The following DDX24 variants were observed in gnomAD, a reference collection of about 807,000 sequenced individuals.
DDX24 encodes DEAD-box helicase 24, also known as ATP-dependent RNA helicase DDX24.
In DDX24, 24 loss-of-function variants were observed where a neutral mutation model predicts 68.9. That is an observed-to-expected ratio of 0.35 (90% CI 0.25 to 0.49). DDX24 has a LOEUF of 0.49. Among genes scored for constraint, DDX24 ranks in the 20% least tolerant of loss-of-function variants. The pLI is 0.99. For missense variants in DDX24, 989 were observed against 1,039.0 expected, an observed-to-expected ratio of 0.95 and a Z score of 0.66; for synonymous variants, 395 against 385.2, an observed-to-expected ratio of 1.03 and a Z score of -0.30.
chr14:94,078,301 T>C (rs1385594203), intron 2 of DDX24, among the ~76,000 whole-genome samples: 2 of 152,228 alleles, frequency 1.3e-5, no homozygotes, highest in Admixed American at 6.5e-5. Context: ...GAGATGACTA[T>C]ATGTATTTCT....
chr14:94,059,938 A>C (rs1334288864), intron 5 of DDX24, among the ~76,000 whole-genome samples, 160 bp downstream of exon 5: 1 of 150,374 alleles, frequency 6.7e-6, no homozygotes, highest in Middle Eastern at 3.3e-3. Flanking sequence ...AATGACAGTA[A>C]CCTTGCCAAA....
intron 2 of DDX24, 27 bp from the exon 3 acceptor site, chr14:94,062,648 T>TA (rs755538385): frequency 6.4e-7 from 1 of 1,562,964 alleles, no homozygotes; most frequent in African/African-American, 1.4e-5. Flanking sequence ...CAAAACAAAG[T>TA]AAAAACAGTG....
rs1267992145 is a variant in DDX24 at position 94,062,456 on chromosome 14, G to C, written c.884C>G (p.Ser295Cys). The C allele has an allele frequency of 1.9e-6, 3 of 1,614,018 alleles. No individual in the cohort carries two copies. Among genetic ancestry groups the C allele is most frequent in the Non-Finnish European group, 2.5e-6 (3 of 1,180,028 alleles). The change falls in exon 3 of 9, where the codon TCT (serine) becomes TGT (cysteine). Residue 295 changes from serine to cysteine, a missense_variant. Transcript: ENST00000621632. ...TACAGTATCGTCAGGCAATGCATCA[G>C]ACTCAGCTTCAGCCTTGCCTGGTGA... ...TRSPGKAEAE[S>C]DALPDDTVIE...
chr14:94,052,929 G>A, intron 8 of DDX24, 69 bp downstream of exon 8: 1 of 1,553,636 alleles, frequency 6.4e-7, no homozygotes, highest in Non-Finnish European at 8.7e-7. Flanking sequence ...TAGTAGAGAT[G>A]GTTCCAACAA....
At chr14:94,078,956 T>A (rs1885999291) in intron 2 of DDX24, 69 bp downstream of exon 2, 2 of 1,451,308 alleles carry the variant, frequency 1.4e-6, no homozygotes, top group East Asian at 4.6e-5. Flanking sequence ...TCTCTCCCAA[T>A]TATCTGGCCT....
At chr14:94,068,764 T>C (rs530881155) in intron 2 of DDX24, among the ~76,000 whole-genome samples, 31 of 152,318 alleles carry the variant, frequency 2.0e-4, no homozygotes, top group African/African-American at 6.7e-4. Context: ...TGAATGAGCA[T>C]TGGGTCAAAA....
intron 2 of DDX24, among the ~76,000 whole-genome samples, chr14:94,074,902 T>C (rs1024732096): frequency 1.3e-5 from 2 of 152,200 alleles, no homozygotes; most frequent in Non-Finnish European, 2.9e-5. Flanking sequence ...AATTTTAAAT[T>C]ACCATTTACA....
In DDX24 at chr14:94,055,167, C is replaced by G; in HGVS notation, c.2007G>C (p.Glu669Asp). 2.5e-6 allele frequency: 4 copies of G among 1,613,524 alleles called. No individual in the cohort carries two copies. The highest frequency in any genetic ancestry group is 3.4e-6 in the Non-Finnish European group (4 of 1,179,542). Residue 669 changes from glutamate to aspartate, a missense_variant, in exon 7 of 9, where the codon GAG becomes GAC. Physicochemically the swap from Glu to Asp is conservative, Grantham distance 45 (BLOSUM62 2). Coordinates refer to ENST00000621632, the MANE Select transcript of DDX24 (RefSeq NM_020414.4). ...VIHYQVPRTS[E>D]IYVHRSGRTA... Reference sequence around the variant, plus strand: ...TTCGACCACTTCGGTGGACATAAATCTCCGAGGTACGTGGGACCTGCCACA... The same window carrying G: ...TTCGACCACTTCGGTGGACATAAATGTCCGAGGTACGTGGGACCTGCCACA...
chr14:94,060,630 A>G lies in DDX24; in HGVS notation c.1398-17T>C. 2 of 1,608,064 alleles carry G rather than the reference A, an allele frequency of 1.2e-6. No homozygotes were observed. Among genetic ancestry groups the G allele is most frequent in the Non-Finnish European group, 1.7e-6 (2 of 1,176,204 alleles). Reference sequence around the variant, plus strand: ...ACCAGGCACCTGCAGATCCAGAGAGACCCATATCATTGGTCAGCAGCGGGT... The same window carrying G: ...ACCAGGCACCTGCAGATCCAGAGAGGCCCATATCATTGGTCAGCAGCGGGT... On this transcript the variant is annotated splice_polypyrimidine_tract_variant and intron_variant, in intron 4 of 8. Coordinates refer to ENST00000621632, the MANE Select transcript of DDX24 (RefSeq NM_020414.4).
intron 2 of DDX24, among the ~76,000 whole-genome samples, chr14:94,067,422 T>C (rs1950343): frequency 0.013 from 1,909 of 152,216 alleles, 42 homozygotes; most frequent in African/African-American, 0.042. Flanking sequence ...GGAGGAATAA[T>C]TGAGGAAAAC....
rs1885422575 is a variant in DDX24 at position 94,053,202 on chromosome 14, G to A, written c.2179-75C>T. 3.1e-6 allele frequency: 5 copies of A among 1,595,318 alleles called. No homozygotes were observed. In the East Asian group the frequency reaches 1.1e-4, roughly 36 times the overall value. ...TGGGAAGCAAAGTCTCACTTGAGTT[G>A]TGTTTGTGTGTTTAAGGCAGGTATC... is the stretch of plus-strand genomic sequence containing the variant. On this transcript the variant is annotated intron_variant, in intron 7 of 8. Transcript: ENST00000621632.
intron 8 of DDX24, 125 bp downstream of exon 8, chr14:94,052,873 G>T: frequency 7.4e-7 from 1 of 1,358,962 alleles, no homozygotes; most frequent in Non-Finnish European, 9.9e-7. Context: ...GGGCCTGTTA[G>T]CAAAGAGGGG....
chr14:94,060,490 A>G lies in DDX24; in HGVS notation c.1521T>C (p.Ser507=). 4.3e-6 allele frequency: 7 copies of G among 1,614,196 alleles called. No homozygotes were observed. The highest frequency in any genetic ancestry group is 5.9e-6 in the Non-Finnish European group (7 of 1,180,046). ...CCTGATGCACCAGGGTGAGTGTGGC[A>G]GAAAAAACAAGCGTTTGTCTCTTTG... is the stretch of plus-strand genomic sequence containing the variant. ...YNPKRQTLVF[S]ATLTLVHQAP... is the part of the protein sequence containing the mutation. Residue 507 remains serine, a synonymous_variant, in exon 5 of 9, where the codon TCT becomes TCC. Transcript: ENST00000621632.
intron 2 of DDX24, among the ~76,000 whole-genome samples, chr14:94,075,446 T>G (rs554319050): frequency 1.3e-5 from 2 of 152,200 alleles, no homozygotes; most frequent in Non-Finnish European, 2.9e-5. Context: ...ATTAGCCATA[T>G]GCAGAAAAAC....
At chr14:94,054,074 G>A (rs747326807) in intron 7 of DDX24, among the ~76,000 whole-genome samples, 5 of 152,122 alleles carry the variant, frequency 3.3e-5, no homozygotes, top group Non-Finnish European at 5.9e-5. Context: ...AAGTCTTTAC[G>A]CAGATGCCAC....
chr14:94,056,427 T>C (rs1014250615), intron 6 of DDX24: 8 of 152,120 alleles, frequency 5.3e-5, no homozygotes, highest in Non-Finnish European at 1.0e-4. Flanking sequence ...TCTCCATAAA[T>C]ATTCCTAAAG....
chr14:94,063,320 A>G (rs371949638), intron 2 of DDX24, among the ~76,000 whole-genome samples: 3 of 141,504 alleles, frequency 2.1e-5, no homozygotes, highest in East Asian at 2.1e-4. Context: ...AAACAGACAC[A>G]TGAAACTTTT....
intron 2 of DDX24, among the ~76,000 whole-genome samples, chr14:94,077,885 G>C (rs1885976864): frequency 6.9e-6 from 1 of 144,640 alleles, no homozygotes; most frequent in Non-Finnish European, 1.5e-5. Context: ...AAAAAAAAAA[G>C]AACATAAAAT....
At chr14:94,066,183 C>T (rs555529398) in intron 2 of DDX24, among the ~76,000 whole-genome samples, 18 of 152,226 alleles carry the variant, frequency 1.2e-4, no homozygotes, top group African/African-American at 2.6e-4. Flanking sequence ...GACTGCCCTT[C>T]GGTTTGTGAG....
Sources: gnomAD v4.1 joint callset for allele counts (sites outside exome capture counted in the v4.1 genomes callset) on GRCh38, gnomAD v4.1.1 for gene constraint, MANE v1.5 for transcripts, NCBI Gene and HGNC (gene_info 2026-07-23, HGNC 2026-07-21) for gene names.